The following NEK11 variants were observed in gnomAD, a reference collection of about 807,000 sequenced individuals.
The protein encoded by NEK11 is serine/threonine-protein kinase Nek11.
NEK11 carries 72 observed loss-of-function variants against 80.7 expected under a neutral mutation model. The observed-to-expected ratio is 0.89, with a 90% CI of 0.74 to 1.08. NEK11 has a LOEUF of 1.08. NEK11 is among the 50% of genes least tolerant of loss of function. The probability of loss-of-function intolerance (pLI) is 0.00; values close to 1 mark genes in which losing one functional copy is unlikely to be tolerated. For missense variants in NEK11, 764 were observed against 763.6 expected (o/e 1.00, Z -0.01); for synonymous variants, 251 against 260.7 (o/e 0.96, Z 0.36).
At chr3:131,348,132 A>T (rs533377227) in intron 17 of NEK11, among the ~76,000 whole-genome samples, 2 of 152,172 alleles carry the variant, frequency 1.3e-5, no homozygotes, top group Non-Finnish European at 2.9e-5. Flanking sequence ...ATAAGTACAC[A>T]TATAAATTTT....
At chr3:131,295,183 CT>C (rs375133973) in intron 17 of NEK11, among the ~76,000 whole-genome samples, 3 of 151,290 alleles carry the variant, frequency 2.0e-5, no homozygotes, top group East Asian at 1.9e-4. Context: ...TCCTTTCTGC[CT>C]TTTTTTTAAA....
intron 17 of NEK11, among the ~76,000 whole-genome samples, chr3:131,336,251 G>A (rs1324794945): frequency 2.0e-5 from 3 of 152,138 alleles, no homozygotes; most frequent in Non-Finnish European, 4.4e-5. Context: ...AAACAGCATG[G>A]TACTGGTACC....
chr3:131,104,237 C>T (rs570126491), intron 4 of NEK11, among the ~76,000 whole-genome samples: 4 of 152,150 alleles, frequency 2.6e-5, no homozygotes, highest in African/African-American at 7.2e-5. Context: ...GAGGGCCTGT[C>T]AGTTGTCTCT....
At chr3:131,316,065 T>C (rs2096836273) in intron 17 of NEK11, among the ~76,000 whole-genome samples, 1 of 152,164 alleles carries the variant, frequency 6.6e-6, no homozygotes, top group African/African-American at 2.4e-5. Context: ...ATTTGTTTTG[T>C]TTCATACACC....
In NEK11 at chr3:131,029,654, A is replaced by C; in HGVS notation, c.-55A>C. Reference sequence around the variant, plus strand: ...GATGAATTTGACCATTTCTTAGGAGACTGGAATGTTAAGTTTCTATAAATG... The same window carrying C: ...GATGAATTTGACCATTTCTTAGGAGCCTGGAATGTTAAGTTTCTATAAATG... On this transcript the variant is annotated 5_prime_UTR_variant, in exon 3 of 18. Transcript: ENST00000383366. 1 of 1,531,444 alleles carries C rather than the reference A, an allele frequency of 6.5e-7. No homozygotes were observed. The highest frequency in any genetic ancestry group is 9.0e-7 in the Non-Finnish European group (1 of 1,112,930). The allele number at this position is 1,531,444 out of a possible 1,614,324, so 94.9% of individuals were successfully genotyped here.
intron 7 of NEK11, among the ~76,000 whole-genome samples, chr3:131,138,574 G>A (rs2086144017): frequency 6.6e-6 from 1 of 152,070 alleles, no homozygotes; most frequent in South Asian, 2.1e-4. Context: ...ATAGGTAATA[G>A]GAAGTAGTTA....
At chr3:131,229,881 A>AG (rs1411942940) in intron 15 of NEK11, among the ~76,000 whole-genome samples, 1 of 152,142 alleles carries the variant, frequency 6.6e-6, no homozygotes, top group East Asian at 1.9e-4. Context: ...ATACAGCTAA[A>AG]GGGGGGATTC....
At chr3:131,136,606 G>A (rs904641070) in intron 7 of NEK11, among the ~76,000 whole-genome samples, 2 of 152,200 alleles carry the variant, frequency 1.3e-5, no homozygotes, top group Admixed American at 6.5e-5. Flanking sequence ...TTGCCCATAT[G>A]TAACATTATC....
intron 14 of NEK11, among the ~76,000 whole-genome samples, chr3:131,228,200 C>T (rs2095252140): frequency 6.6e-6 from 1 of 152,098 alleles, no homozygotes; most frequent in Non-Finnish European, 1.5e-5. Flanking sequence ...CTACCTTTGC[C>T]CCTAAATTTC....
intron 17 of NEK11, chr3:131,329,325 G>A (rs952378472): frequency 6.6e-6 from 1 of 152,124 alleles, no homozygotes. Flanking sequence ...TACTAGGGAT[G>A]CATATATTTT....
chr3:131,255,124 G>GAAAGAA (rs1553966666), intron 16 of NEK11, among the ~76,000 whole-genome samples: 2 of 150,116 alleles, frequency 1.3e-5, no homozygotes, highest in Non-Finnish European at 2.9e-5. Flanking sequence ...AAGAAAGAAA[G>GAAAGAA]AAAGAGAGAA....
At chr3:131,099,203 A>T (rs753407077) in intron 4 of NEK11, among the ~76,000 whole-genome samples, 2 of 152,190 alleles carry the variant, frequency 1.3e-5, no homozygotes, top group African/African-American at 4.8e-5. Flanking sequence ...CCAGCCAGTT[A>T]TCTCAGGACC....
intron 17 of NEK11, among the ~76,000 whole-genome samples, chr3:131,347,624 A>C (rs2097383116): frequency 6.6e-6 from 1 of 152,196 alleles, no homozygotes; most frequent in African/African-American, 2.4e-5. Flanking sequence ...AATGCTTCAA[A>C]AATTGTGAAA....
At chr3:131,201,840 T>G (rs759288967) in intron 14 of NEK11, among the ~76,000 whole-genome samples, 1 of 152,114 alleles carries the variant, frequency 6.6e-6, no homozygotes, top group African/African-American at 2.4e-5. Context: ...TTTATTTTAT[T>G]TTATTTTATT....
rs201023084 is a variant in NEK11 at position 131,349,651 on chromosome 3, C to T, written c.1813C>T (p.Arg605Cys). Residue 605 changes from arginine (R) to cysteine (C), a missense_variant, in exon 18 of 18, where the codon CGC (arginine) becomes TGC (cysteine). Physicochemically the swap from Arg to Cys is radical, Grantham distance 180. Coordinates refer to ENST00000383366, the MANE Select transcript of NEK11 (RefSeq NM_024800.5). ...RHQNASEAEI[R>C]ECLEKVVPQA... is the part of the protein sequence containing the mutation. ...TCAGAATGCTAGCGAAGCAGAGATC[C>T]GCGAGTGTTTGGAAAAAGTGGTGCC... 89 of 1,613,920 alleles carry T rather than the reference C, an allele frequency of 5.5e-5. No individual in the cohort carries two copies. Among genetic ancestry groups the T allele is most frequent in the Non-Finnish European group, 5.2e-5 (61 of 1,180,008 alleles).
intron 4 of NEK11, among the ~76,000 whole-genome samples, chr3:131,100,408 A>C (rs1228182735): frequency 6.6e-6 from 1 of 152,126 alleles, no homozygotes; most frequent in Non-Finnish European, 1.5e-5. Flanking sequence ...AGTCTGGCCA[A>C]CATGGTGAAA....
chr3:131,122,824 T>C lies in NEK11; in HGVS notation c.456-9921T>C, dbSNP rs574480967. ...TCATCCTAGCATGGGCCCTGGATGCTGGGGAAGAATGACCTGATGGGGAGA... is the reference window on the plus strand; with the variant it reads ...TCATCCTAGCATGGGCCCTGGATGCCGGGGAAGAATGACCTGATGGGGAGA... On this transcript the variant is annotated intron_variant, in intron 5 of 17. Coordinates refer to ENST00000383366, the MANE Select transcript of NEK11 (RefSeq NM_024800.5). Among the ~76,000 whole-genome samples the C allele has an allele frequency of 8.1e-4, 123 of 152,260 alleles. 1 individual carries two copies. Among genetic ancestry groups the C allele is most frequent in the African/African-American group, 2.7e-3 (114 of 41,552 alleles).
At chr3:131,305,802 T>A (rs1322201265) in intron 17 of NEK11, among the ~76,000 whole-genome samples, 2 of 152,120 alleles carry the variant, frequency 1.3e-5, no homozygotes, top group Non-Finnish European at 2.9e-5. Context: ...TGAGTCTTGG[T>A]TCTTGACAGC....
intron 14 of NEK11, among the ~76,000 whole-genome samples, chr3:131,186,088 C>G (rs9856537): frequency 0.44 from 66,611 of 151,970 alleles, 16,980 homozygotes; most frequent in Middle Eastern, 0.65. Context: ...TAAAGGAGTA[C>G]AATCAGTGTC....
Sources: allele counts gnomAD v4.1 joint callset (sites outside exome capture counted in the v4.1 genomes callset), GRCh38; gene constraint gnomAD v4.1.1; transcripts MANE v1.5; gene names NCBI Gene and HGNC (gene_info 2026-07-23, HGNC 2026-07-21).